Variants in PCDHGB3 observed in about 807,000 individuals in gnomAD.
The protein encoded by PCDHGB3 is protocadherin gamma subfamily B, 3, also known as protocadherin gamma-B3.
In PCDHGB3, 40 loss-of-function variants were observed where a neutral mutation model predicts 59.2. That is an observed-to-expected ratio of 0.68 (90% CI 0.52 to 0.88). The LOEUF (loss-of-function observed/expected upper bound fraction) is 0.88, where lower values mean the gene tolerates loss of function less well. Ranked by LOEUF, PCDHGB3 falls within the 40% of genes least tolerant of loss-of-function variation. The pLI, the probability that PCDHGB3 is intolerant of heterozygous loss-of-function variation, is 0.00. For synonymous variants in PCDHGB3, 581 were observed against 503.6 expected, an observed-to-expected ratio of 1.15 and a Z score of -2.06; for missense variants, 1,309 against 1,187.9, an observed-to-expected ratio of 1.10 and a Z score of -1.50.
rs148675327 is a variant in PCDHGB3 at position 141,477,019 on chromosome 5, C to A, written c.2416-17788C>A. On this transcript the variant is annotated intron_variant, in intron 1 of 3. Coordinates refer to ENST00000576222, the MANE Select transcript of PCDHGB3 (RefSeq NM_018924.5). The surrounding 1 kb of genome is among the most constrained non-coding windows in gnomAD (Gnocchi z 4.9). ...AACTATTCGCCTTAGACCTTGTAAC[C>A]GGGATGCTGACAATCAAGGGTCGGC... The A allele has an allele frequency of 1.7e-5, 28 of 1,614,124 alleles. No individual in the cohort carries two copies. The African/African-American group carries it at 2.5e-4, about 15-fold the overall frequency.
At chr5:141,427,857 G>A (rs746661329) in intron 1 of PCDHGB3, 36 of 1,554,574 alleles carry the variant, frequency 2.3e-5, no homozygotes, top group Non-Finnish European at 2.9e-5. Context: ...GCAGCTGTGC[G>A]CCTTCGAGCT....
At chr5:141,383,712 G>A (rs895145051) in intron 1 of PCDHGB3, 2 of 1,613,970 alleles carry the variant, frequency 1.2e-6, no homozygotes, top group African/African-American at 2.7e-5. Flanking sequence ...ACCTGGACGA[G>A]GGAGTCAATG....
intron 1 of PCDHGB3, chr5:141,422,140 C>CG (rs1369033587): frequency 6.3e-7 from 1 of 1,586,656 alleles, no homozygotes; most frequent in Non-Finnish European, 8.5e-7. Context: ...AGTTCAAGTA[C>CG]GGGGGTCTCT....
At chr5:141,460,965 G>A (rs1398642676) in intron 1 of PCDHGB3, among the ~76,000 whole-genome samples, 21 of 114,476 alleles carry the variant, frequency 1.8e-4, no homozygotes, top group African/African-American at 8.5e-4. Flanking sequence ...ATATATATGT[G>A]TGTGTGTGTG....
chr5:141,444,363 G>A (rs1292799006), intron 1 of PCDHGB3, among the ~76,000 whole-genome samples: 1 of 151,772 alleles, frequency 6.6e-6, no homozygotes, highest in Non-Finnish European at 1.5e-5. Context: ...TAGAGACGGG[G>A]TTTCTCCATG....
chr5:141,461,392 A>G (rs781666201), intron 1 of PCDHGB3, among the ~76,000 whole-genome samples: 18 of 152,178 alleles, frequency 1.2e-4, no homozygotes, highest in Non-Finnish European at 2.2e-4. Context: ...ATGATTAGCG[A>G]TGTTGAGCAT....
chr5:141,389,790 G>C (rs1328126483), intron 1 of PCDHGB3: 1 of 1,613,470 alleles, frequency 6.2e-7, no homozygotes, highest in South Asian at 1.1e-5. Context: ...CAGGGACGCC[G>C]TCCGCCAGCG....
Position 141,487,373 on chromosome 5 carries a change from C to T in PCDHGB3, c.2416-7434C>T. 2 of 1,614,224 alleles carry T rather than the reference C, an allele frequency of 1.2e-6. No homozygotes were observed. Among genetic ancestry groups the T allele is most frequent in the Non-Finnish European group, 1.7e-6 (2 of 1,180,042 alleles). On this transcript the variant is annotated intron_variant, in intron 1 of 3. Transcript: ENST00000576222. This position sits in a 1 kb window ranked among gnomAD's most constrained non-coding sequence, Gnocchi z 5.0. ...CTTTCCTGCTGGCACCTGTGCCTGTCTCACCAGATCTCGAAGGAGGGAGGG... is the reference window on the plus strand; with the variant it reads ...CTTTCCTGCTGGCACCTGTGCCTGTTTCACCAGATCTCGAAGGAGGGAGGG...
At chr5:141,498,632 A>G (rs2099784830) in intron 2 of PCDHGB3, among the ~76,000 whole-genome samples, 1 of 152,118 alleles carries the variant, frequency 6.6e-6, no homozygotes, top group South Asian at 2.1e-4. Context: ...CACTGCCTAG[A>G]CAGAAGGAAG....
chr5:141,403,181 C>G (rs1182793881), intron 1 of PCDHGB3: 2 of 1,614,006 alleles, frequency 1.2e-6, no homozygotes, highest in Non-Finnish European at 1.7e-6. Context: ...GCTTTTCTCT[C>G]TGAACCCGCG....
intron 2 of PCDHGB3, 105 bp downstream of exon 2, chr5:141,494,970 C>T (rs1352514628): frequency 1.9e-6 from 3 of 1,584,974 alleles, no homozygotes; most frequent in East Asian, 4.6e-5. Context: ...GATGGCTTCT[C>T]CCTCAGTTTG....
At chr5:141,460,961 ATGTGTG>A (rs35821115) in intron 1 of PCDHGB3, among the ~76,000 whole-genome samples, 6 of 144,616 alleles carry the variant, frequency 4.1e-5, no homozygotes, top group South Asian at 4.4e-4. Flanking sequence ...GTATATATAT[ATGTGTG>A]TGTGTGTGTG....
rs369044087 is a variant in PCDHGB3 at position 141,389,106 on chromosome 5, C to G, written c.2415+16297C>G. On this transcript the variant is annotated intron_variant, in intron 1 of 3. Coordinates refer to ENST00000576222, the MANE Select transcript of PCDHGB3 (RefSeq NM_018924.5). ...GTATAAATTAGTGACAGATGCTGTTCTAGACCGCGAGCAGAATCCAGAGTA... is the reference window on the plus strand; with the variant it reads ...GTATAAATTAGTGACAGATGCTGTTGTAGACCGCGAGCAGAATCCAGAGTA... 73 of 1,613,908 alleles carry G rather than the reference C, an allele frequency of 4.5e-5. No individual in the cohort carries two copies. The highest frequency in any genetic ancestry group is 1.7e-5 in the Admixed American group (1 of 60,018).
chr5:141,392,900 A>G, intron 1 of PCDHGB3: 1 of 1,613,714 alleles, frequency 6.2e-7, no homozygotes, highest in Non-Finnish European at 8.5e-7. Flanking sequence ...TCGGGAGGGG[A>G]CAGATTCGCT....
Position 141,491,383 on chromosome 5 carries a change from A to C in PCDHGB3, c.2416-3424A>C. The C allele has an allele frequency of 6.2e-7, 1 of 1,614,036 alleles. No individual in the cohort carries two copies. The highest frequency in any genetic ancestry group is 8.5e-7 in the Non-Finnish European group (1 of 1,179,962). ...AGTCACCTTCACCTTTCTGTCAGCG[A>C]AGTGCCTTCAGGGAAACGCAGACGG... On this transcript the variant is annotated intron_variant, in intron 1 of 3. Transcript: ENST00000576222. This position sits in a 1 kb window ranked among gnomAD's most constrained non-coding sequence, Gnocchi z 6.9.
chr5:141,462,792 G>C (rs2099046915), intron 1 of PCDHGB3, among the ~76,000 whole-genome samples: 1 of 152,080 alleles, frequency 6.6e-6, no homozygotes, highest in Admixed American at 6.6e-5. Flanking sequence ...TTGCTTATTT[G>C]CATGTCTAAT....
At chr5:141,375,106 T>A (rs1771135818) in intron 1 of PCDHGB3, 2 of 1,613,952 alleles carry the variant, frequency 1.2e-6, no homozygotes, top group East Asian at 4.5e-5. Context: ...TGGATGTCAA[T>A]GATAATGTAC....
At position 141,486,055 on chromosome 5, in the gene PCDHGB3, C is replaced by T; in HGVS notation, c.2416-8752C>T. 6.2e-7 allele frequency: 1 copy of T among 1,614,170 alleles called. No individual in the cohort carries two copies. ...CTGATCGTGTAAGAAACCTCTTTAG[C>T]CTGCACCCCACTACTGGAAAGCTTA... On this transcript the variant is annotated intron_variant, in intron 1 of 3. Transcript: ENST00000576222. The surrounding 1 kb of genome is among the most constrained non-coding windows in gnomAD (Gnocchi z 5.0).
chr5:141,370,244 ACT>A lies in PCDHGB3; in HGVS notation c.-146_-145del. 2 of 633,826 alleles carry A rather than the reference ACT, an allele frequency of 3.2e-6. No individual in the cohort carries two copies. The highest frequency in any genetic ancestry group is 5.1e-6 in the Non-Finnish European group (2 of 391,924). The allele number at this position is 633,826 out of a possible 1,614,324, so 39.3% of individuals were successfully genotyped here. On this transcript the variant is annotated 5_prime_UTR_variant, in exon 1 of 4. Coordinates refer to ENST00000576222, the MANE Select transcript of PCDHGB3 (RefSeq NM_018924.5). Reference sequence around the variant, plus strand: ...TGCAGCCAGCTCGGAAGAAAAGTGCACTCTCTATCAGGCTTCCTGCAGCGGAG... The same window carrying A: ...TGCAGCCAGCTCGGAAGAAAAGTGCACTCTATCAGGCTTCCTGCAGCGGAG...
Sources: gnomAD v4.1 joint callset for allele counts (sites outside exome capture counted in the v4.1 genomes callset) on GRCh38, gnomAD v4.1.1 for gene constraint, Gnocchi (gnomAD v3.1) non-coding constraint, MANE v1.5 for transcripts, NCBI Gene and HGNC (gene_info 2026-07-23, HGNC 2026-07-21) for gene names.